The following PEBP4 variants were observed in gnomAD, a reference collection of about 807,000 sequenced individuals.
The protein encoded by PEBP4 is phosphatidylethanolamine binding protein 4, also known as phosphatidylethanolamine-binding protein 4.
PEBP4 carries 22 observed loss-of-function variants against 23.9 expected under a neutral mutation model. The ratio of observed to expected loss-of-function variants is 0.92; its 90% CI spans 0.66 to 1.31. The LOEUF is 1.31. Among genes scored for constraint, PEBP4 ranks in the 40% most tolerant of loss-of-function variants. PEBP4 has a pLI of 0.00. For missense variants in PEBP4, 324 were observed against 281.7 expected (o/e 1.15, Z -1.07); for synonymous variants, 112 against 99.3 (o/e 1.13, Z -0.76).
At chr8:22,820,629 T>G (rs1229863344) in intron 3 of PEBP4, among the ~76,000 whole-genome samples, 1 of 152,218 alleles carries the variant, frequency 6.6e-6, no homozygotes, top group African/African-American at 2.4e-5. Flanking sequence ...CAGAGTTGTC[T>G]TTTGAGCTTG....
chr8:22,903,631 A>C (rs536743362), intron 3 of PEBP4, among the ~76,000 whole-genome samples: 1 of 152,310 alleles, frequency 6.6e-6, no homozygotes, highest in African/African-American at 2.4e-5. Flanking sequence ...CAAAGCCCCC[A>C]GCCCGGGCTC....
intron 4 of PEBP4, among the ~76,000 whole-genome samples, chr8:22,815,958 C>T (rs1233748112): frequency 1.3e-5 from 2 of 152,228 alleles, no homozygotes; most frequent in African/African-American, 4.8e-5. Context: ...CTCAGGACCG[C>T]CGAGCAGAGC....
intron 3 of PEBP4, among the ~76,000 whole-genome samples, chr8:22,915,857 T>C (rs1809061394): frequency 6.6e-6 from 1 of 152,236 alleles, no homozygotes; most frequent in African/African-American, 2.4e-5. Flanking sequence ...GCTCTGTGTA[T>C]ACAGAGAAGG....
At chr8:22,875,136 T>C in intron 3 of PEBP4, among the ~76,000 whole-genome samples, 1 of 152,002 alleles carries the variant, frequency 6.6e-6, no homozygotes, top group Non-Finnish European at 1.5e-5. Context: ...AATTTAGCCC[T>C]CGGAGCCAGC....
Position 22,865,958 on chromosome 8 carries a change from G to A in PEBP4, c.259-48223C>T, listed in dbSNP as rs1032897440. On this transcript the variant is annotated intron_variant, in intron 3 of 6. Transcript: ENST00000256404. The surrounding 1 kb of genome is among the most constrained non-coding windows in gnomAD (Gnocchi z 6.9). ...GGCCCGGCGCCGGGCGGTGCTGCCC[G>A]GAGAGCGCGCAGCCCCCAGCCGGCC... Among the ~76,000 whole-genome samples the A allele has an allele frequency of 2.0e-5, 3 of 151,924 alleles. No homozygotes were observed. The highest frequency in any genetic ancestry group is 2.0e-4 in the East Asian group (1 of 5,112).
At chr8:22,923,135 G>C (rs573698144) in intron 2 of PEBP4, among the ~76,000 whole-genome samples, 1 of 152,192 alleles carries the variant, frequency 6.6e-6, no homozygotes, top group African/African-American at 2.4e-5. Context: ...GTGATCTGTT[G>C]TGTACAACAG....
At position 22,720,590 on chromosome 8, in the gene PEBP4, A is replaced by G. The variant is rs557944954; in HGVS notation, c.517+4253T>C. On this transcript the variant is annotated intron_variant, in intron 6 of 6. Coordinates refer to ENST00000256404, the MANE Select transcript of PEBP4 (RefSeq NM_144962.3). Reference sequence around the variant, plus strand: ...AGAGGGAGACAGCCCAGCATGTCACAGGCCTGAGATAATGGCATCTGCAAA... The same window carrying G: ...AGAGGGAGACAGCCCAGCATGTCACGGGCCTGAGATAATGGCATCTGCAAA... 1.4e-4 allele frequency among the ~76,000 whole-genome samples: 21 copies of G among 152,358 alleles called. No individual in the cohort carries two copies. In the East Asian group the frequency reaches 2.7e-3, roughly 20 times the overall value.
chr8:22,808,039 CCATCCATCCATTCATCCATTCATG>C (rs1348252301), intron 4 of PEBP4, among the ~76,000 whole-genome samples: 3 of 152,132 alleles, frequency 2.0e-5, no homozygotes, highest in Non-Finnish European at 4.4e-5. Context: ...ATCCATCCAT[CCATCCATCCATTCATCCATTCATG>C]CATCCATCCA....
At chr8:22,750,532 G>T (rs139911746) in intron 4 of PEBP4, among the ~76,000 whole-genome samples, 59 of 152,334 alleles carry the variant, frequency 3.9e-4, no homozygotes, top group African/African-American at 1.3e-3. Flanking sequence ...ATGGTTCTGG[G>T]CACATGGCTG....
At chr8:22,897,407 A>G (rs1420968988) in intron 3 of PEBP4, among the ~76,000 whole-genome samples, 1 of 152,156 alleles carries the variant, frequency 6.6e-6, no homozygotes, top group African/African-American at 2.4e-5. Flanking sequence ...AGGACACACT[A>G]TGTGGAGTAC....
chr8:22,736,861 C>A (rs1804872594), intron 4 of PEBP4, among the ~76,000 whole-genome samples: 1 of 152,198 alleles, frequency 6.6e-6, no homozygotes, highest in African/African-American at 2.4e-5. Context: ...CTCCCCAACT[C>A]CTTTTCTCTT....
chr8:22,725,997 A>ACATG lies in PEBP4; in HGVS notation c.404-1042_404-1041insCATG, dbSNP rs1554478527. The stretch of plus-strand genomic sequence containing the variant: ...TGCATTTTTGGATCGCAGATCAGAT[A>ACATG]TATGTGTGTGTGTGTGTGTGTGTGT... On this transcript the variant is annotated intron_variant, in intron 5 of 6. Transcript: ENST00000256404. 6.1e-3 allele frequency among the ~76,000 whole-genome samples: 484 copies of ACATG among 79,954 alleles called. 5 individuals carry two copies. The highest frequency in any genetic ancestry group is 0.017 in the African/African-American group (437 of 25,754). 52.5% of individuals were successfully genotyped at this position (79,954 alleles called of 152,430 possible).
intron 3 of PEBP4, among the ~76,000 whole-genome samples, chr8:22,913,250 C>G (rs548845962): frequency 6.6e-6 from 1 of 152,134 alleles, no homozygotes; most frequent in Non-Finnish European, 1.5e-5. Context: ...GCTCCCAGCC[C>G]GCAGTCCTGG....
intron 6 of PEBP4, among the ~76,000 whole-genome samples, chr8:22,720,250 C>T (rs796717867): frequency 1.1e-4 from 16 of 152,310 alleles, no homozygotes; most frequent in Middle Eastern, 3.4e-3. Flanking sequence ...GTGGAGAAGA[C>T]GATAGAGACT....
At chr8:22,795,159 ATATATTTTTTTTTTTTTTTTTTTT>A (rs1458487153) in intron 4 of PEBP4, among the ~76,000 whole-genome samples, 1 of 28,530 alleles carries the variant, frequency 3.5e-5, no homozygotes, top group African/African-American at 1.3e-4. Flanking sequence ...ATATATATAT[ATATATTTTTTTTTTTTTTTTTTTT>A]TTTTTTTTTT....
chr8:22,822,354 A>AGTGTGTGTGTGTGTGTGTGTGTGTGTAT (rs34500729), intron 3 of PEBP4, among the ~76,000 whole-genome samples: 1 of 147,758 alleles, frequency 6.8e-6, no homozygotes, highest in African/African-American at 2.5e-5. Flanking sequence ...TATATACTAA[A>AGTGTGTGTGTGTGTGTGTGTGTGTGTAT]GTGTGTGTGT....
chr8:22,886,018 G>A (rs1808365696), intron 3 of PEBP4: 1 of 152,326 alleles, frequency 6.6e-6, no homozygotes, highest in East Asian at 1.9e-4. Context: ...GAGGGAAGTT[G>A]TACTCACCTG....
chr8:22,809,657 T>C (rs1487184922), intron 4 of PEBP4, among the ~76,000 whole-genome samples: 10 of 152,226 alleles, frequency 6.6e-5, no homozygotes, highest in Admixed American at 6.5e-4. Flanking sequence ...GAGGACTGCA[T>C]GAGGTGCTTA....
chr8:22,779,949 A>T lies in PEBP4; in HGVS notation c.357+37688T>A, dbSNP rs571962964. Among the ~76,000 whole-genome samples, 25 of 148,370 alleles carry T rather than the reference A, an allele frequency of 1.7e-4. No individual in the cohort carries two copies. In the East Asian group the frequency reaches 4.5e-3, roughly 27 times the overall value. On this transcript the variant is annotated intron_variant, in intron 4 of 6. Coordinates refer to ENST00000256404, the MANE Select transcript of PEBP4 (RefSeq NM_144962.3). The stretch of plus-strand genomic sequence containing the variant: ...GGATTCCCAGGCATCTTGTTTTTTT[A>T]AAATCTTTTTTTTTTTTTTGAGACA...
Sources: gnomAD v4.1 joint callset for allele counts (sites outside exome capture counted in the v4.1 genomes callset) on GRCh38, gnomAD v4.1.1 for gene constraint, Gnocchi (gnomAD v3.1) non-coding constraint, MANE v1.5 for transcripts, NCBI Gene and HGNC (gene_info 2026-07-23, HGNC 2026-07-21) for gene names.